CHID1: variants seen among roughly 807,000 people sequenced by gnomAD.
The protein encoded by CHID1 is chitinase domain-containing protein 1.
CHID1 carries 44 observed loss-of-function variants against 55.4 expected under a neutral mutation model. The ratio of observed to expected loss-of-function variants is 0.79; its 90% CI spans 0.62 to 1.02. The LOEUF is 1.02. Among genes scored for constraint, CHID1 ranks in the 50% least tolerant of loss-of-function variants. CHID1 has a pLI of 0.00. For synonymous variants in CHID1, 216 were observed against 212.9 expected (o/e 1.01, Z -0.13); for missense variants, 491 against 515.3 (o/e 0.95, Z 0.46).
rs1850213931 is a variant in CHID1, at chr11:884,094, CAT to C, written c.775_776del (p.Met259AspfsTer13). The C allele has an allele frequency of 6.2e-7, 1 of 1,614,126 alleles. No homozygotes were observed. On this transcript the variant is annotated frameshift_variant, in exon 9 of 13. Transcript: ENST00000323578. LOFTEE classifies it high-confidence loss of function. ...GATGCGCTGTAGAGTAGTCGTAGGT[CAT>C]GAGGCTGAAACCATCCAGCACGGGG... ...LAPVLDGFSL[M>X]TYDYSTAHQP... is the part of the protein sequence containing the mutation.
chr11:879,549 G>A (rs1182686574), intron 10 of CHID1, among the ~76,000 whole-genome samples: 2 of 34,186 alleles, frequency 5.9e-5, no homozygotes, highest in African/African-American at 1.7e-4. Flanking sequence ...TCTACCAGCT[G>A]AGGAGAGAGG....
At chr11:891,180 C>T (rs1249601734) in intron 8 of CHID1, among the ~76,000 whole-genome samples, 1 of 152,166 alleles carries the variant, frequency 6.6e-6, no homozygotes, top group East Asian at 1.9e-4. Flanking sequence ...GGAGCCTCAG[C>T]ACCTTCACCG....
chr11:898,464 C>T (rs1851550918), intron 7 of CHID1, among the ~76,000 whole-genome samples: 1 of 152,244 alleles, frequency 6.6e-6, no homozygotes, highest in Non-Finnish European at 1.5e-5. Flanking sequence ...ACCGCACCAT[C>T]CTCGCTCGTT....
At chr11:874,185 G>A (rs982637561) in intron 10 of CHID1, among the ~76,000 whole-genome samples, 3 of 152,212 alleles carry the variant, frequency 2.0e-5, no homozygotes, top group African/African-American at 7.2e-5. Context: ...GAGGGGGCCG[G>A]GCGTGGTGGC....
At chr11:890,592 T>C (rs936695598) in intron 8 of CHID1, among the ~76,000 whole-genome samples, 1 of 152,166 alleles carries the variant, frequency 6.6e-6, no homozygotes, top group Non-Finnish European at 1.5e-5. Context: ...TAGCTAACAA[T>C]GCCCAGAAAA....
At chr11:893,971 G>T (rs1851051629) in intron 7 of CHID1, among the ~76,000 whole-genome samples, 2 of 151,914 alleles carry the variant, frequency 1.3e-5, no homozygotes, top group Non-Finnish European at 2.9e-5. Context: ...AAAACACAAA[G>T]ATTAGCAGGG....
At chr11:885,837 T>A (rs1370483590) in intron 8 of CHID1, among the ~76,000 whole-genome samples, 1 of 152,054 alleles carries the variant, frequency 6.6e-6, no homozygotes, top group Admixed American at 6.6e-5. Flanking sequence ...AGCAATCCTC[T>A]TGCCTTTTTT....
At chr11:901,269 G>T (rs1418750536) in intron 4 of CHID1, among the ~76,000 whole-genome samples, 1 of 152,168 alleles carries the variant, frequency 6.6e-6, no homozygotes, top group African/African-American at 2.4e-5. Flanking sequence ...GCCGGCCAGG[G>T]GAACAGGCAG....
At chr11:893,639 G>T in intron 7 of CHID1, 120 bp from the exon 8 acceptor site, 1 of 709,156 alleles carries the variant, frequency 1.4e-6, no homozygotes, top group Non-Finnish European at 2.3e-6. Flanking sequence ...CCCTGCAGCA[G>T]GGCAGGTGGG....
rs557385566 is a variant in CHID1, at chr11:903,214, T to A, written c.112-103A>T. 33 of 1,213,902 alleles carry A rather than the reference T, an allele frequency of 2.7e-5. No individual in the cohort carries two copies. In the East Asian group the frequency reaches 7.9e-4, roughly 29 times the overall value. 75.2% of individuals were successfully genotyped at this position (1,213,902 alleles called of 1,614,324 possible). On this transcript the variant is annotated intron_variant, in intron 2 of 12. Coordinates refer to ENST00000323578, the MANE Select transcript of CHID1 (RefSeq NM_023947.4). Reference sequence around the variant, plus strand: ...CTTCCATTCAGCCAGCAGCCGAGTCTCTGGATCCACACAGTGCTGCTGACC... The same window carrying A: ...CTTCCATTCAGCCAGCAGCCGAGTCACTGGATCCACACAGTGCTGCTGACC...
At chr11:904,556 C>T in intron 2 of CHID1, 150 bp downstream of exon 2, 1 of 833,678 alleles carries the variant, frequency 1.2e-6, no homozygotes, top group Middle Eastern at 3.0e-4. Context: ...CCACACAGGC[C>T]ACCCACCGGC....
At chr11:898,877 G>A (rs1361548996) in intron 7 of CHID1, among the ~76,000 whole-genome samples, 1 of 152,224 alleles carries the variant, frequency 6.6e-6, no homozygotes, top group African/African-American at 2.4e-5. Flanking sequence ...GGCCTGGGAG[G>A]CATTCCCCAG....
intron 7 of CHID1, among the ~76,000 whole-genome samples, chr11:897,983 G>C (rs1245421186): frequency 6.6e-6 from 1 of 152,130 alleles, no homozygotes; most frequent in Non-Finnish European, 1.5e-5. Context: ...AGCAGTTCCG[G>C]GAAGAGCCTT....
intron 10 of CHID1, among the ~76,000 whole-genome samples, chr11:871,651 G>A (rs1250202931): frequency 6.9e-6 from 1 of 143,894 alleles, no homozygotes; most frequent in Non-Finnish European, 1.5e-5. Flanking sequence ...GCAGCCTCAG[G>A]GAGGAGGCCT....
At chr11:891,906 C>T (rs1007089203) in intron 8 of CHID1, among the ~76,000 whole-genome samples, 1 of 144,618 alleles carries the variant, frequency 6.9e-6, no homozygotes, top group African/African-American at 2.6e-5. Context: ...GAGTTCAAGA[C>T]CAGCCTGGGC....
intron 1 of CHID1, among the ~76,000 whole-genome samples, chr11:905,552 C>G (rs1167689420): frequency 6.6e-6 from 1 of 152,020 alleles, no homozygotes; most frequent in Non-Finnish European, 1.5e-5. Flanking sequence ...CACCTGCAGT[C>G]CCAGCTACTC....
intron 10 of CHID1, among the ~76,000 whole-genome samples, chr11:872,976 T>G (rs1368161671): frequency 6.6e-6 from 1 of 152,116 alleles, no homozygotes; most frequent in Non-Finnish European, 1.5e-5. Flanking sequence ...GCCTGGTGGT[T>G]TGGCGAGTGG....
chr11:881,073 C>T (rs1849878944), intron 10 of CHID1, among the ~76,000 whole-genome samples: 1 of 152,142 alleles, frequency 6.6e-6, no homozygotes, highest in Admixed American at 6.6e-5. Flanking sequence ...GCAGTTCTTA[C>T]AACTGAATCC....
At chr11:896,035 G>A (rs1565190012) in intron 7 of CHID1, among the ~76,000 whole-genome samples, 2 of 151,840 alleles carry the variant, frequency 1.3e-5, no homozygotes, top group African/African-American at 2.4e-5. Flanking sequence ...CCACCCTGAC[G>A]TTAATGACCC....
Sources: gnomAD v4.1 joint callset for allele counts (sites outside exome capture counted in the v4.1 genomes callset) on GRCh38, gnomAD v4.1.1 for gene constraint, MANE v1.5 for transcripts, NCBI Gene and HGNC (gene_info 2026-07-23, HGNC 2026-07-21) for gene names.